The following CPE variants were observed in gnomAD, a reference collection of about 807,000 sequenced individuals.
The protein encoded by CPE is carbocypeptidase E.
CPE carries 17 observed loss-of-function variants against 53.5 expected under a neutral mutation model. The ratio of observed to expected loss-of-function variants is 0.32; its 90% CI spans 0.22 to 0.48. The LOEUF (loss-of-function observed/expected upper bound fraction) is 0.48, where lower values mean the gene tolerates loss of function less well. Ranked by LOEUF, CPE falls within the 20% of genes least tolerant of loss-of-function variation. CPE has a pLI of 0.99. For synonymous variants in CPE, 226 were observed against 228.8 expected (o/e 0.99, Z 0.11); for missense variants, 524 against 614.7 (o/e 0.85, Z 1.56).
rs1384861860 is a variant in CPE, at chr4:165,495,553, C to T, written c.1214-6C>T. ...CTTTGTGATTTGATATTCTGCCTTC[C>T]TACAGCAAAGGATGGTGATTACTGG... On this transcript the variant is annotated splice_polypyrimidine_tract_variant and splice_region_variant and intron_variant, in intron 7 of 8. Coordinates refer to ENST00000402744, the MANE Select transcript of CPE (RefSeq NM_001873.4). 1 of 1,586,814 alleles carries T rather than the reference C, an allele frequency of 6.3e-7. No individual in the cohort carries two copies. Among genetic ancestry groups the T allele is most frequent in the Non-Finnish European group, 8.6e-7 (1 of 1,158,116 alleles).
chr4:165,465,921 A>C (rs1732091116), intron 2 of CPE, among the ~76,000 whole-genome samples: 1 of 152,214 alleles, frequency 6.6e-6, no homozygotes, highest in Admixed American at 6.5e-5. Flanking sequence ...TATGCTTTGA[A>C]ATAGGTCATT....
intron 6 of CPE, among the ~76,000 whole-genome samples, chr4:165,490,139 C>T (rs1311695235): frequency 1.3e-5 from 2 of 152,172 alleles, no homozygotes; most frequent in Non-Finnish European, 1.5e-5. Context: ...TAGTTTACAA[C>T]TCATGGAAAA....
intron 1 of CPE, among the ~76,000 whole-genome samples, chr4:165,448,577 C>T (rs1216144007): frequency 2.0e-5 from 3 of 152,042 alleles, no homozygotes; most frequent in African/African-American, 7.2e-5. Flanking sequence ...GAAGGAGGTC[C>T]CTAACATGTA....
At chr4:165,484,794 G>GT (rs1215193909) in intron 5 of CPE, among the ~76,000 whole-genome samples, 190 bp downstream of exon 5, 1 of 152,146 alleles carries the variant, frequency 6.6e-6, no homozygotes, top group Non-Finnish European at 1.5e-5. Flanking sequence ...TTTTGTTTTT[G>GT]TGGATTTTAA....
At chr4:165,465,306 A>T (rs1283850908) in intron 2 of CPE, among the ~76,000 whole-genome samples, 2 of 152,144 alleles carry the variant, frequency 1.3e-5, no homozygotes, top group Admixed American at 6.5e-5. Context: ...ATCTACAGCT[A>T]AAAAATCCAA....
chr4:165,461,465 A>T (rs1053817423), intron 1 of CPE, among the ~76,000 whole-genome samples: 2 of 151,930 alleles, frequency 1.3e-5, no homozygotes, highest in Admixed American at 6.6e-5. Flanking sequence ...GCAAAGGGGA[A>T]GTTACTGATG....
chr4:165,496,026 A>G (rs1732700414), intron 8 of CPE, among the ~76,000 whole-genome samples: 1 of 152,224 alleles, frequency 6.6e-6, no homozygotes, highest in South Asian at 2.1e-4. Context: ...TGAAAAAAAA[A>G]TGATGCATAT....
intron 1 of CPE, among the ~76,000 whole-genome samples, chr4:165,432,889 C>T (rs1186190394): frequency 6.6e-6 from 1 of 152,168 alleles, no homozygotes. Context: ...ACTGTCAATT[C>T]CACGTCTTCG....
At chr4:165,496,546 T>C (rs1398762289) in intron 8 of CPE, among the ~76,000 whole-genome samples, 2 of 151,178 alleles carry the variant, frequency 1.3e-5, no homozygotes, top group Admixed American at 6.6e-5. Flanking sequence ...ATATAGTCAG[T>C]GTAATCACGA....
At chr4:165,443,037 G>C (rs1269947070) in intron 1 of CPE, among the ~76,000 whole-genome samples, 1 of 152,124 alleles carries the variant, frequency 6.6e-6, no homozygotes, top group African/African-American at 2.4e-5. Flanking sequence ...ATAAACACTT[G>C]TGTAATGAAT....
At chr4:165,386,978 T>A (rs555264942) in intron 1 of CPE, among the ~76,000 whole-genome samples, 1 of 152,356 alleles carries the variant, frequency 6.6e-6, no homozygotes, top group East Asian at 1.9e-4. Flanking sequence ...CAAATGAACT[T>A]AAATTTGAAA....
intron 1 of CPE, among the ~76,000 whole-genome samples, chr4:165,445,559 C>T (rs1731698839): frequency 6.6e-6 from 1 of 151,986 alleles, no homozygotes. Flanking sequence ...GAAAAATGTT[C>T]TTTTCACAAT....
chr4:165,496,738 C>G (rs1732711323), intron 8 of CPE, among the ~76,000 whole-genome samples: 2 of 152,012 alleles, frequency 1.3e-5, no homozygotes, highest in South Asian at 4.1e-4. Context: ...TGGACACATA[C>G]GTGCTTTTGT....
chr4:165,438,941 TGGGCA>T (rs1241836158), intron 1 of CPE, among the ~76,000 whole-genome samples: 2 of 152,152 alleles, frequency 1.3e-5, no homozygotes, highest in African/African-American at 4.8e-5. Context: ...CCTTTAATAT[TGGGCA>T]GGCCAGTAGA....
intron 1 of CPE, among the ~76,000 whole-genome samples, chr4:165,457,978 A>G (rs772256140): frequency 9.2e-5 from 14 of 152,310 alleles, no homozygotes; most frequent in Non-Finnish European, 1.9e-4. Flanking sequence ...ATATGAGCCA[A>G]TTAATGATGT....
chr4:165,455,896 G>A (rs113645120), intron 1 of CPE, among the ~76,000 whole-genome samples: 8,098 of 152,114 alleles, frequency 0.053, 276 homozygotes, highest in Non-Finnish European at 0.082. Context: ...CAGGTAATCC[G>A]CCTGCTTTGG....
intron 7 of CPE, among the ~76,000 whole-genome samples, chr4:165,494,920 C>T (rs1052683157): frequency 6.6e-6 from 1 of 152,172 alleles, no homozygotes; most frequent in Non-Finnish European, 1.5e-5. Context: ...AAACCTTGCT[C>T]TTCAAAGTGT....
In CPE at chr4:165,470,450, G is replaced by C. The variant is rs745702185; in HGVS notation, c.672+2595G>C. ...CTTACCAGTTGAGTGTTCCTACTAA[G>C]TCACATACCAGTTAATCCGTGCCAT... is the stretch of plus-strand genomic sequence containing the variant. On this transcript the variant is annotated intron_variant, in intron 3 of 8. Coordinates refer to ENST00000402744, the MANE Select transcript of CPE (RefSeq NM_001873.4). Among the ~76,000 whole-genome samples the C allele has an allele frequency of 1.1e-3, 170 of 152,214 alleles. 1 individual carries two copies. The highest frequency in any genetic ancestry group is 3.4e-3 in the Middle Eastern group (1 of 294).
chr4:165,405,588 C>T (rs1730940344), intron 1 of CPE: 1 of 810,312 alleles, frequency 1.2e-6, no homozygotes. Context: ...AATCCCTTGT[C>T]TCTCTTTGGA....
Sources: gnomAD v4.1 joint callset for allele counts (sites outside exome capture counted in the v4.1 genomes callset) on GRCh38, gnomAD v4.1.1 for gene constraint, MANE v1.5 for transcripts, NCBI Gene and HGNC (gene_info 2026-07-23, HGNC 2026-07-21) for gene names.